Variants in CROCC2 observed in about 807,000 individuals in gnomAD.
CROCC2 encodes ciliary rootlet coiled-coil, rootletin family member 2.
CROCC2 carries 163 observed loss-of-function variants against 177.6 expected under a neutral mutation model. That is an observed-to-expected ratio of 0.92 (90% CI 0.81 to 1.05). The LOEUF is 1.05. Ranked by LOEUF, CROCC2 falls within the 50% of genes least tolerant of loss-of-function variation. The pLI, the probability that CROCC2 is intolerant of heterozygous loss-of-function variation, is 0.00. For synonymous variants in CROCC2, 904 were observed against 787.3 expected, an observed-to-expected ratio of 1.15 and a Z score of -2.48; for missense variants, 1,929 against 1,797.8, an observed-to-expected ratio of 1.07 and a Z score of -1.32.
At chr2:240,915,633 C>A (rs2059314915) in intron 1 of CROCC2, among the ~76,000 whole-genome samples, 1 of 152,178 alleles carries the variant, frequency 6.6e-6, no homozygotes, top group Non-Finnish European at 1.5e-5. Context: ...TATGGGGAGC[C>A]CACATTTCCC....
intron 31 of CROCC2, 29 bp from the exon 32 acceptor site, chr2:240,993,037 T>G (rs1402399950): frequency 1.4e-6 from 1 of 716,388 alleles, no homozygotes; most frequent in African/African-American, 1.7e-5. Flanking sequence ...GAATGCGGTG[T>G]CCACGCCTCC....
In CROCC2 at chr2:240,958,201, G is replaced by A; in HGVS notation, c.2944-1100G>A. 1 of 985,150 alleles carries A rather than the reference G, an allele frequency of 1.0e-6. No individual in the cohort carries two copies. The highest frequency in any genetic ancestry group is 1.2e-6 in the Non-Finnish European group (1 of 829,706). 61.0% of individuals were successfully genotyped at this position (985,150 alleles called of 1,614,324 possible). On this transcript the variant is annotated intron_variant, in intron 19 of 31. Coordinates refer to ENST00000690015, the MANE Select transcript of CROCC2 (RefSeq NM_001351305.2). The surrounding 1 kb of genome is among the most constrained non-coding windows in gnomAD (Gnocchi z 6.7). ...ACAGGACAGCGTGCGCCCCTAGGCT[G>A]AGTCACCACTGCCATCGGGCTCCCA... is the stretch of plus-strand genomic sequence containing the variant.
rs1220462428 is a variant in CROCC2 at position 240,920,125 on chromosome 2, C to T, written c.372C>T (p.Val124=). Residue 124 remains valine, a synonymous_variant, in exon 3 of 32, where the codon GTC becomes GTT. Coordinates refer to ENST00000690015, the MANE Select transcript of CROCC2 (RefSeq NM_001351305.2). ...RDELASRCRV[V]SEQLQARLET... ...AGCTGGCCAGCAGGTGCCGTGTGGT[C>T]AGCGAGCAGGTGCGTGTGTGCAGCA... 2.9e-6 allele frequency: 2 copies of T among 691,344 alleles called. No individual in the cohort carries two copies. Among genetic ancestry groups the T allele is most frequent in the South Asian group, 3.1e-5 (2 of 64,398 alleles). The allele number at this position is 691,344 out of a possible 1,614,324, so 42.8% of individuals were successfully genotyped here.
intron 30 of CROCC2, 93 bp downstream of exon 30, chr2:240,989,926 A>G (rs977222575): frequency 8.0e-7 from 1 of 1,257,782 alleles, no homozygotes. Flanking sequence ...GACTTCTTGA[A>G]GTCCTCTAGC....
intron 24 of CROCC2, 90 bp downstream of exon 24, chr2:240,966,083 T>A: frequency 7.8e-7 from 1 of 1,279,234 alleles, no homozygotes; most frequent in Non-Finnish European, 9.9e-7. Flanking sequence ...ACTCACACAG[T>A]GAGGGACTCG....
chr2:240,937,188 T>G (rs900037850), intron 14 of CROCC2, among the ~76,000 whole-genome samples: 12 of 152,222 alleles, frequency 7.9e-5, no homozygotes, highest in Admixed American at 3.9e-4. Flanking sequence ...TCTGTTTTTT[T>G]GGGTTTTGTT....
rs1342475235 is a variant in CROCC2 at position 240,973,789 on chromosome 2, C to G, written c.4401+5527C>G. ...AATTCCTTTATGGTGACATAGTTTT[C>G]AGATTTATTTGTGTTAAGAAAATTG... On this transcript the variant is annotated intron_variant, in intron 27 of 31. Coordinates refer to ENST00000690015, the MANE Select transcript of CROCC2 (RefSeq NM_001351305.2). This position sits in a 1 kb window ranked among gnomAD's most constrained non-coding sequence, Gnocchi z 4.7. Among the ~76,000 whole-genome samples the G allele has an allele frequency of 6.6e-6, 1 of 152,164 alleles. No individual in the cohort carries two copies. The highest frequency in any genetic ancestry group is 1.9e-4 in the East Asian group (1 of 5,202).
At chr2:240,934,776 T>C (rs907887627) in intron 12 of CROCC2, 140 bp from the exon 13 acceptor site, 1 of 940,172 alleles carries the variant, frequency 1.1e-6, no homozygotes, top group African/African-American at 1.7e-5. Flanking sequence ...ACCTCCCCAC[T>C]GTGGCGACCT....
Position 240,920,089 on chromosome 2 carries a change from C to G in CROCC2, c.336C>G (p.Ala112=). 1 of 711,376 alleles carries G rather than the reference C, an allele frequency of 1.4e-6. No individual in the cohort carries two copies. The highest frequency in any genetic ancestry group is 2.7e-5 in the East Asian group (1 of 37,176). The allele number at this position is 711,376 out of a possible 1,614,324, so 44.1% of individuals were successfully genotyped here. A position where few individuals can be genotyped will look rare whatever the true frequency, so the allele number is the denominator to read the frequency against. The part of the protein sequence containing the change: ...RLGDLLAQAS[A]ERDELASRCR... ...GGGACCTGCTGGCCCAGGCCAGCGC[C>G]GAGCGAGATGAGCTGGCCAGCAGGT... Residue 112 remains alanine (A), a synonymous_variant, in exon 3 of 32, where the codon GCC becomes GCG. Coordinates refer to ENST00000690015, the MANE Select transcript of CROCC2 (RefSeq NM_001351305.2).
Position 240,958,584 on chromosome 2 carries a change from G to T in CROCC2, c.2944-717G>T. ...AGCCATCCCCCACCAGCCGCCCCCC[G>T]CCAGCCGCCTGCTGCTGCCTGGAGG... On this transcript the variant is annotated intron_variant, in intron 19 of 31. Transcript: ENST00000690015. This position sits in a 1 kb window ranked among gnomAD's most constrained non-coding sequence, Gnocchi z 6.7. 1 of 985,224 alleles carries T rather than the reference G, an allele frequency of 1.0e-6. No homozygotes were observed. Among genetic ancestry groups the T allele is most frequent in the Non-Finnish European group, 1.2e-6 (1 of 829,786 alleles). 61.0% of individuals were successfully genotyped at this position (985,224 alleles called of 1,614,324 possible).
intron 11 of CROCC2, 32 bp from the exon 12 acceptor site, chr2:240,934,299 G>A (rs2059453298): frequency 2.6e-6 from 4 of 1,544,522 alleles, no homozygotes; most frequent in Admixed American, 3.9e-5. Context: ...CTCACCCTGA[G>A]CGACCTCCCG....
At position 240,935,423 on chromosome 2, in the gene CROCC2, CG is replaced by C; in HGVS notation, c.2008del (p.Glu670SerfsTer173). ...KTLEQERARAGEQLAQAEQQL... is the reference protein window; with the variant it reads ...KTLEQERARAXEQLAQAEQQL... The stretch of plus-strand genomic sequence containing the variant: ...CTCTGGAGCAGGAACGGGCCCGGGC[CG>C]GGGAGCAGCTGGCACAGGCGGAGCA... On this transcript the variant is annotated frameshift_variant, in exon 14 of 32. Transcript: ENST00000690015. LOFTEE classifies it high-confidence loss of function. The C allele has an allele frequency of 7.3e-7, 1 of 1,373,962 alleles. No homozygotes were observed. The highest frequency in any genetic ancestry group is 1.8e-5 in the South Asian group (1 of 55,524). 85.1% of individuals were successfully genotyped at this position (1,373,962 alleles called of 1,614,324 possible). A position where few individuals can be genotyped will look rare whatever the true frequency, so the allele number is the denominator to read the frequency against.
At chr2:240,985,908 G>T (rs1376385868) in intron 28 of CROCC2, 1 of 455,746 alleles carries the variant, frequency 2.2e-6, no homozygotes. Flanking sequence ...CCTGGCAGGT[G>T]AGGGCAGAGT....
Position 240,964,094 on chromosome 2 carries a change from C to T in CROCC2, c.3305+321C>T, listed in dbSNP as rs915142652. On this transcript the variant is annotated intron_variant, in intron 21 of 31. Transcript: ENST00000690015. Reference sequence around the variant, plus strand: ...GAGCAGAGGGAGGCCAACGGCCTGGCTGGGGCTCTAGAAAGGCCCCTGTGG... The same window carrying T: ...GAGCAGAGGGAGGCCAACGGCCTGGTTGGGGCTCTAGAAAGGCCCCTGTGG... The T allele has an allele frequency of 7.4e-6, 4 of 540,606 alleles. No homozygotes were observed. The Admixed American group carries it at 1.3e-4, about 17-fold the overall frequency. The allele number at this position is 540,606 out of a possible 1,614,324, so 33.5% of individuals were successfully genotyped here.
At chr2:240,919,751 C>CGAGGTGCTCA (rs1553655183) in intron 2 of CROCC2, among the ~76,000 whole-genome samples, 3 of 151,890 alleles carry the variant, frequency 2.0e-5, no homozygotes, top group Admixed American at 2.0e-4. Context: ...CATTGGGGTT[C>CGAGGTGCTCA]GAGGTGGTAG....
At position 240,906,478 on chromosome 2, in the gene CROCC2, C is replaced by T. The variant is rs1466869191; in HGVS notation, c.-36C>T. On this transcript the variant is annotated 5_prime_UTR_variant, in exon 1 of 32. Transcript: ENST00000690015. ...GGAGGAGAACTGCCAGGTAGCAAAG[C>T]CCAGACTTCTCTGGGGTCCTGCGCT... 4.0e-5 allele frequency: 16 copies of T among 399,078 alleles called. No homozygotes were observed. The highest frequency in any genetic ancestry group is 3.9e-4 in the East Asian group (11 of 28,070). The allele number at this position is 399,078 out of a possible 1,614,324, so 24.7% of individuals were successfully genotyped here. A position where few individuals can be genotyped will look rare whatever the true frequency, so the allele number is the denominator to read the frequency against.
At position 240,918,929 on chromosome 2, in the gene CROCC2, G is replaced by T. The variant is rs1456649553; in HGVS notation, c.229+53G>T. 9.0e-6 allele frequency: 6 copies of T among 668,172 alleles called. No homozygotes were observed. Among genetic ancestry groups the T allele is most frequent in the Non-Finnish European group, 1.6e-5 (6 of 364,958 alleles). The allele number at this position is 668,172 out of a possible 1,614,324, so 41.4% of individuals were successfully genotyped here. A position where few individuals can be genotyped will look rare whatever the true frequency, so the allele number is the denominator to read the frequency against. On this transcript the variant is annotated intron_variant, in intron 2 of 31. Transcript: ENST00000690015. This position sits in a 1 kb window ranked among gnomAD's most constrained non-coding sequence, Gnocchi z 6.3. ...CCGGGGCTGGCCAAGGTGACGGCGTGGGGGACAGTCCTGGGCCCGGTGCTG... is the reference window on the plus strand; with the variant it reads ...CCGGGGCTGGCCAAGGTGACGGCGTTGGGGACAGTCCTGGGCCCGGTGCTG...
intron 7 of CROCC2, among the ~76,000 whole-genome samples, chr2:240,931,639 G>A (rs1415297739): frequency 6.6e-6 from 1 of 152,244 alleles, no homozygotes; most frequent in Non-Finnish European, 1.5e-5. Context: ...AGCTTCAGCA[G>A]AAAGTAGGGA....
chr2:240,920,311 G>A (rs1011224392), intron 3 of CROCC2, among the ~76,000 whole-genome samples, 177 bp downstream of exon 3: 8 of 152,210 alleles, frequency 5.3e-5, no homozygotes, highest in African/African-American at 1.9e-4. Flanking sequence ...GGAAACTGAG[G>A]CAACAGATGG....
Sources: allele counts gnomAD v4.1 joint callset (sites outside exome capture counted in the v4.1 genomes callset), GRCh38; gene constraint gnomAD v4.1.1; non-coding constraint Gnocchi (gnomAD v3.1); transcripts MANE v1.5; gene names NCBI Gene and HGNC (gene_info 2026-07-23, HGNC 2026-07-21).